TMPRSS11D: variants seen among roughly 807,000 people sequenced by gnomAD.
TMPRSS11D encodes transmembrane serine protease 11D, also known as transmembrane protease serine 11D.
TMPRSS11D carries 32 observed loss-of-function variants against 44.4 expected under a neutral mutation model. That is an observed-to-expected ratio of 0.72 (90% CI 0.54 to 0.97). TMPRSS11D has a LOEUF of 0.97. Among genes scored for constraint, TMPRSS11D ranks in the 50% least tolerant of loss-of-function variants. The pLI, the probability that TMPRSS11D is intolerant of heterozygous loss-of-function variation, is 0.00. For missense variants in TMPRSS11D, 446 were observed against 502.6 expected (o/e 0.89, Z 1.08); for synonymous variants, 179 against 177.9 (o/e 1.01, Z -0.05).
chr4:67,833,288 C>T lies in TMPRSS11D; in HGVS notation c.608G>A (p.Ser203Asn), dbSNP rs1289259722. 6 of 1,599,740 alleles carry T rather than the reference C, an allele frequency of 3.8e-6. No homozygotes were observed. The highest frequency in any genetic ancestry group is 5.1e-6 in the Non-Finnish European group (6 of 1,173,522). The change falls in exon 7 of 10, where the codon AGT (serine) becomes AAT (asparagine). Residue 203 changes from serine (S) to asparagine (N), a missense_variant. Ser to Asn is a conservative substitution (Grantham distance 46). Coordinates refer to ENST00000283916, the MANE Select transcript of TMPRSS11D (RefSeq NM_004262.3). ...GTGGTGGGCATTATTGAGCCGCAGA[C>T]TGACTTGCCACGGCCAGCTTCCCTC... The part of the protein sequence containing the change: ...AEEGSWPWQV[S>N]LRLNNAHHCG...
intron 7 of TMPRSS11D, 56 bp from the exon 8 acceptor site, chr4:67,827,576 A>G (rs1212869617): frequency 7.3e-6 from 11 of 1,509,054 alleles, no homozygotes; most frequent in Non-Finnish European, 9.8e-6. Flanking sequence ...CATTTCAGAT[A>G]TATAAATTCA....
At chr4:67,836,241 A>T (rs565341919) in intron 5 of TMPRSS11D, among the ~76,000 whole-genome samples, 74 of 152,260 alleles carry the variant, frequency 4.9e-4, no homozygotes, top group Non-Finnish European at 6.9e-4. Context: ...TTCTAACTGA[A>T]TTCCACCACT....
At chr4:67,861,305 G>C (rs1295460839) in intron 1 of TMPRSS11D, among the ~76,000 whole-genome samples, 1 of 152,050 alleles carries the variant, frequency 6.6e-6, no homozygotes, top group African/African-American at 2.4e-5. Context: ...AACTATTTGA[G>C]TTTCAGCTTA....
In TMPRSS11D at chr4:67,867,925, T is replaced by G. The variant is rs563206191; in HGVS notation, c.9-8247A>C. Among the ~76,000 whole-genome samples the G allele has an allele frequency of 5.9e-4, 90 of 152,184 alleles. 1 individual carries two copies. Among genetic ancestry groups the G allele is most frequent in the African/African-American group, 2.1e-3 (87 of 41,542 alleles). On this transcript the variant is annotated intron_variant, in intron 1 of 9. Transcript: ENST00000283916. ...ACAATGTGGAGACTTCTCAAATAAT[T>G]AAAAATAGAACTACCCTTTGATCCA...
chr4:67,828,058 GCA>G (rs1491392945), intron 7 of TMPRSS11D, among the ~76,000 whole-genome samples: 3 of 50,120 alleles, frequency 6.0e-5, no homozygotes, highest in South Asian at 6.5e-4. Context: ...GTGTGTGTGT[GCA>G]TATATATACA....
intron 3 of TMPRSS11D, 88 bp from the exon 4 acceptor site, chr4:67,842,713 G>A: frequency 8.3e-7 from 1 of 1,206,030 alleles, no homozygotes; most frequent in Non-Finnish European, 1.2e-6. Flanking sequence ...ACATGTTAAT[G>A]AGGAGTAGAA....
intron 3 of TMPRSS11D, among the ~76,000 whole-genome samples, chr4:67,852,915 TATA>T (rs1718542986): frequency 6.6e-6 from 1 of 152,174 alleles, no homozygotes; most frequent in Non-Finnish European, 1.5e-5. Flanking sequence ...ATATTTATAA[TATA>T]AAATACATAC....
intron 1 of TMPRSS11D, among the ~76,000 whole-genome samples, chr4:67,875,190 A>G (rs1324042066): frequency 6.6e-6 from 1 of 152,172 alleles, no homozygotes; most frequent in Non-Finnish European, 1.5e-5. Context: ...TGATGCCTAT[A>G]CAATGTGTTC....
rs773218009 is a variant in TMPRSS11D at position 67,859,629 on chromosome 4, A to C, written c.58T>G (p.Cys20Gly). 1 of 1,613,246 alleles carries C rather than the reference A, an allele frequency of 6.2e-7. No individual in the cohort carries two copies. Among genetic ancestry groups the C allele is most frequent in the Non-Finnish European group, 8.5e-7 (1 of 1,179,380 alleles). Reference sequence around the variant, plus strand: ...ACTACCCCTGCGACGACAATGAAACATACTACATATGGATTCAGAAATCTT... The same window carrying C: ...ACTACCCCTGCGACGACAATGAAACCTACTACATATGGATTCAGAAATCTT... ...TSRFLNPYVV[C>G]FIVVAGVVIL... The change falls in exon 2 of 10, where the codon TGT becomes GGT. Residue 20 changes from cysteine to glycine, a missense_variant. Physicochemically the swap from Cys to Gly is radical, Grantham distance 159. Transcript: ENST00000283916.
intron 1 of TMPRSS11D, among the ~76,000 whole-genome samples, chr4:67,862,383 C>T (rs1158850760): frequency 1.3e-5 from 2 of 152,054 alleles, no homozygotes; most frequent in African/African-American, 4.8e-5. Context: ...CATGAACTTC[C>T]GCTCACATAC....
chr4:67,867,950 A>G (rs1718965929), intron 1 of TMPRSS11D, among the ~76,000 whole-genome samples: 1 of 152,190 alleles, frequency 6.6e-6, no homozygotes, highest in Admixed American at 6.5e-5. Flanking sequence ...CCTTTGATCC[A>G]GCAATCCAAC....
intron 1 of TMPRSS11D, among the ~76,000 whole-genome samples, chr4:67,866,297 C>T (rs1718924093): frequency 6.6e-6 from 1 of 151,876 alleles, no homozygotes; most frequent in South Asian, 2.1e-4. Flanking sequence ...AATTTAGCAT[C>T]CTTCCATGAT....
In TMPRSS11D at chr4:67,833,276, T is replaced by C. The variant is rs376485314; in HGVS notation, c.620A>G (p.Asn207Ser). Residue 207 changes from asparagine (N) to serine (S), a missense_variant, in exon 7 of 10, where the codon AAT (asparagine) becomes AGT (serine). Transcript: ENST00000283916. ...GCTGCCTCCACAGTGGTGGGCATTA[T>C]TGAGCCGCAGACTGACTTGCCACGG... is the stretch of plus-strand genomic sequence containing the variant. ...SWPWQVSLRL[N>S]NAHHCGGSLI... The C allele has an allele frequency of 1.2e-5, 19 of 1,599,374 alleles. No individual in the cohort carries two copies. The highest frequency in any genetic ancestry group is 3.3e-4 in the Middle Eastern group (2 of 6,040).
chr4:67,870,892 C>A (rs1464307566), intron 1 of TMPRSS11D, among the ~76,000 whole-genome samples: 1 of 151,478 alleles, frequency 6.6e-6, no homozygotes, highest in Non-Finnish European at 1.5e-5. Flanking sequence ...ACACTTATAA[C>A]TTTCTAATAT....
chr4:67,876,160 A>G (rs560835807), intron 1 of TMPRSS11D, among the ~76,000 whole-genome samples: 1 of 152,344 alleles, frequency 6.6e-6, no homozygotes, highest in East Asian at 1.9e-4. Flanking sequence ...GTAATATATT[A>G]CAATAGTAAT....
chr4:67,847,153 G>A (rs1029917112), intron 3 of TMPRSS11D, among the ~76,000 whole-genome samples: 2 of 152,076 alleles, frequency 1.3e-5, no homozygotes, highest in South Asian at 2.1e-4. Flanking sequence ...ATCCGCCCAC[G>A]TCGGCCTCCC....
At chr4:67,846,689 T>C (rs1411766538) in intron 3 of TMPRSS11D, among the ~76,000 whole-genome samples, 3 of 152,240 alleles carry the variant, frequency 2.0e-5, no homozygotes, top group South Asian at 2.1e-4. Context: ...TTGTGTTTTA[T>C]ATATTTTTAA....
intron 1 of TMPRSS11D, among the ~76,000 whole-genome samples, chr4:67,878,244 C>T (rs1166434251): frequency 2.0e-5 from 3 of 152,164 alleles, no homozygotes; most frequent in African/African-American, 7.2e-5. Flanking sequence ...TATTATAATA[C>T]TTATTTCAGT....
At position 67,859,564 on chromosome 4, in the gene TMPRSS11D, TA is replaced by T; in HGVS notation, c.122del (p.Leu41Ter). ...AVTIALLVYFLAFDQKSYFYR... is the reference protein window; with the variant it reads ...AVTIALLVYFXAFDQKSYFYR... Reference sequence around the variant, plus strand: ...TAATGTTCTGGTACTTACCAAAAGCTAAAAAGTAAACAAGTAGAGCTATGGT... The same window carrying T: ...TAATGTTCTGGTACTTACCAAAAGCTAAAAGTAAACAAGTAGAGCTATGGT... On this transcript the variant is annotated frameshift_variant, in exon 2 of 10. Transcript: ENST00000283916. LOFTEE classifies it high-confidence loss of function. 3 of 1,612,824 alleles carry T rather than the reference TA, an allele frequency of 1.9e-6. No homozygotes were observed. Among genetic ancestry groups the T allele is most frequent in the Non-Finnish European group, 2.5e-6 (3 of 1,179,120 alleles).
Sources: gnomAD v4.1 joint callset for allele counts (sites outside exome capture counted in the v4.1 genomes callset) on GRCh38, gnomAD v4.1.1 for gene constraint, MANE v1.5 for transcripts, NCBI Gene and HGNC (gene_info 2026-07-23, HGNC 2026-07-21) for gene names.